RIN2: variants seen among roughly 807,000 people sequenced by gnomAD.
The protein encoded by RIN2 is RAB5 interacting protein 2.
In RIN2, 36 loss-of-function variants were observed where a neutral mutation model predicts 78.0. That is an observed-to-expected ratio of 0.46 (90% CI 0.35 to 0.61). RIN2 has a LOEUF of 0.61. Ranked by LOEUF, RIN2 falls within the 20% of genes least tolerant of loss-of-function variation. The pLI is 0.00. For synonymous variants in RIN2, 466 were observed against 466.8 expected (o/e 1.00, Z 0.02); for missense variants, 1,087 against 1,159.7 (o/e 0.94, Z 0.91).
intron 2 of RIN2, among the ~76,000 whole-genome samples, chr20:19,875,724 T>C (rs922446821): frequency 1.3e-5 from 2 of 151,922 alleles, no homozygotes; most frequent in Admixed American, 6.6e-5. Flanking sequence ...CAGACAGTGG[T>C]GATGCAGACA....
At chr20:19,795,889 T>C (rs2035038785) in intron 1 of RIN2, among the ~76,000 whole-genome samples, 1 of 152,022 alleles carries the variant, frequency 6.6e-6, no homozygotes, top group Non-Finnish European at 1.5e-5. Context: ...AGTGTCATCA[T>C]TTAAGGATTT....
At chr20:19,994,721 T>C (rs1349977705) in intron 11 of RIN2, among the ~76,000 whole-genome samples, 1 of 152,210 alleles carries the variant, frequency 6.6e-6, no homozygotes, top group African/African-American at 2.4e-5. Context: ...TATGTTCATA[T>C]TGATTTCTCC....
At chr20:19,932,994 C>T (rs1034288356) in intron 3 of RIN2, among the ~76,000 whole-genome samples, 4 of 152,100 alleles carry the variant, frequency 2.6e-5, no homozygotes, top group Non-Finnish European at 5.9e-5. Flanking sequence ...ACATTCAATC[C>T]ATCAAATTAT....
chr20:19,768,836 T>C (rs1054012341), intron 1 of RIN2, among the ~76,000 whole-genome samples: 10 of 152,286 alleles, frequency 6.6e-5, no homozygotes, highest in Admixed American at 3.9e-4. Flanking sequence ...TTTATGCCTT[T>C]AGACCTTATT....
At chr20:19,835,346 T>C (rs2036389791) in intron 2 of RIN2, among the ~76,000 whole-genome samples, 1 of 152,240 alleles carries the variant, frequency 6.6e-6, no homozygotes, top group Non-Finnish European at 1.5e-5. Flanking sequence ...GGAATGTATA[T>C]AAATCTTCTT....
intron 2 of RIN2, among the ~76,000 whole-genome samples, chr20:19,876,952 G>A (rs1260766308): frequency 6.6e-6 from 1 of 151,642 alleles, no homozygotes; most frequent in Non-Finnish European, 1.5e-5. Context: ...CACATACCAA[G>A]TGTACTGGGG....
At chr20:19,858,979 C>G (rs556274179) in intron 2 of RIN2, among the ~76,000 whole-genome samples, 37 of 152,280 alleles carry the variant, frequency 2.4e-4, no homozygotes, top group African/African-American at 8.9e-4. Context: ...AAAGTAGCTT[C>G]AGATTAGGTA....
intron 2 of RIN2, among the ~76,000 whole-genome samples, chr20:19,856,879 A>C (rs2037187836): frequency 6.6e-6 from 1 of 152,238 alleles, no homozygotes; most frequent in Non-Finnish European, 1.5e-5. Flanking sequence ...TAAAGAAACA[A>C]GATGAGAGGC....
Position 19,788,441 on chromosome 20 carries a change from A to AAAAAAAACAAAAACAAAAAC in RIN2, c.-162-11174_-162-11173insCAAAAACAAAAACAAAAAAA, listed in dbSNP as rs1600457308. Among the ~76,000 whole-genome samples, 9 of 148,982 alleles carry AAAAAAAACAAAAACAAAAAC rather than the reference A, an allele frequency of 6.0e-5. 1 individual carries two copies. Among genetic ancestry groups the AAAAAAAACAAAAACAAAAAC allele is most frequent in the South Asian group, 4.3e-4 (2 of 4,620 alleles). Reference sequence around the variant, plus strand: ...GAAATCCTGTCTCTGCCAAAAAAAAAAAAAAAAACAACTAGCTAGGCATGG... The same window carrying AAAAAAAACAAAAACAAAAAC: ...GAAATCCTGTCTCTGCCAAAAAAAAAAAAAAAACAAAAACAAAAACAAAAAAAACAACTAGCTAGGCATGG... On this transcript the variant is annotated intron_variant, in intron 1 of 12. Coordinates refer to ENST00000255006, the MANE Select transcript of RIN2 (RefSeq NM_018993.4).
intron 3 of RIN2, among the ~76,000 whole-genome samples, chr20:19,895,556 C>G (rs2038683504): frequency 6.6e-6 from 1 of 152,124 alleles, no homozygotes; most frequent in Non-Finnish European, 1.5e-5. Flanking sequence ...TTACAGGGAT[C>G]CTACCCTCCC....
chr20:19,874,072 G>GTGTGTGTGTGTGTT (rs1245385895), intron 2 of RIN2, among the ~76,000 whole-genome samples: 2 of 151,904 alleles, frequency 1.3e-5, no homozygotes, highest in African/African-American at 4.8e-5. Flanking sequence ...GTGTGTGTGT[G>GTGTGTGTGTGTGTT]TGTGTGTGTG....
intron 1 of RIN2, among the ~76,000 whole-genome samples, chr20:19,771,843 C>T (rs1387376554): frequency 6.6e-6 from 1 of 152,212 alleles, no homozygotes; most frequent in Non-Finnish European, 1.5e-5. Flanking sequence ...TTGTTCCACT[C>T]CGACTCTCCC....
chr20:19,779,516 G>A (rs17298185), intron 1 of RIN2, among the ~76,000 whole-genome samples: 12,335 of 152,134 alleles, frequency 0.081, 494 homozygotes, highest in South Asian at 0.11. Context: ...ATCCCAAGAT[G>A]AGAGAACGTG....
At chr20:19,972,001 C>A (rs1191042377) in intron 8 of RIN2, among the ~76,000 whole-genome samples, 1 of 152,140 alleles carries the variant, frequency 6.6e-6, no homozygotes, top group African/African-American at 2.4e-5. Context: ...TTTGGTATCC[C>A]AAAGTGCTGG....
At position 19,990,062 on chromosome 20, in the gene RIN2, G is replaced by C. The variant is rs575189955; in HGVS notation, c.1819G>C (p.Val607Leu). ...CATCTTGAAGCCCCTCAAGGGGCACGTGGAGGCCATGCTGAAGGACTTTCA... is the reference window on the plus strand; with the variant it reads ...CATCTTGAAGCCCCTCAAGGGGCACCTGGAGGCCATGCTGAAGGACTTTCA... ...KCILKPLKGH[V>L]EAMLKDFHMA... The change falls in exon 10 of 13, where the codon GTG (valine) becomes CTG (leucine). Residue 607 changes from valine to leucine, a missense_variant. Transcript: ENST00000255006. 1.1e-5 allele frequency: 17 copies of C among 1,598,880 alleles called. No individual in the cohort carries two copies. Among genetic ancestry groups the C allele is most frequent in the Non-Finnish European group, 1.4e-5 (17 of 1,172,490 alleles).
intron 12 of RIN2, among the ~76,000 whole-genome samples, chr20:19,997,681 C>G (rs35491997): frequency 0.14 from 21,511 of 151,838 alleles, 1,719 homozygotes; most frequent in South Asian, 0.25. Flanking sequence ...ATCGCTTGAA[C>G]CCAGGAGATG....
At chr20:19,927,420 T>G (rs1018095538) in intron 3 of RIN2, among the ~76,000 whole-genome samples, 4 of 151,898 alleles carry the variant, frequency 2.6e-5, no homozygotes, top group Non-Finnish European at 1.5e-5. Flanking sequence ...GGGTAATTTT[T>G]TTTTTCTTTT....
intron 1 of RIN2, among the ~76,000 whole-genome samples, chr20:19,789,392 A>T (rs2034814489): frequency 6.6e-6 from 1 of 152,230 alleles, no homozygotes; most frequent in South Asian, 2.1e-4. Context: ...TTAACTTAAG[A>T]TGTGTGCACT....
At chr20:19,896,179 T>G (rs757032166) in intron 3 of RIN2, among the ~76,000 whole-genome samples, 3 of 152,140 alleles carry the variant, frequency 2.0e-5, no homozygotes, top group African/African-American at 7.2e-5. Flanking sequence ...TTTTTTTATT[T>G]TTTTTATTTT....
Sources: gnomAD v4.1 joint callset for allele counts (sites outside exome capture counted in the v4.1 genomes callset) on GRCh38, gnomAD v4.1.1 for gene constraint, MANE v1.5 for transcripts, NCBI Gene and HGNC (gene_info 2026-07-23, HGNC 2026-07-21) for gene names.